IGLON5: variants seen among roughly 807,000 people sequenced by gnomAD.
IGLON5 encodes the protein IgLON family member 5.
A neutral mutation model predicts 38.2 loss-of-function variants in IGLON5; 16 were observed. The observed-to-expected ratio is 0.42, with a 90% CI of 0.28 to 0.64. The LOEUF is 0.64. IGLON5 is among the 30% of genes least tolerant of loss of function. The pLI is 0.23. For missense variants in IGLON5, 366 were observed against 483.4 expected, an observed-to-expected ratio of 0.76 and a Z score of 2.28; for synonymous variants, 207 against 216.4, an observed-to-expected ratio of 0.96 and a Z score of 0.38.
rs141316604 is a variant in IGLON5, at chr19:51,315,508, G to A, written c.79+3582G>A. Among the ~76,000 whole-genome samples the A allele has an allele frequency of 2.6e-5, 4 of 152,248 alleles. No homozygotes were observed. The East Asian group carries it at 7.7e-4, about 29-fold the overall frequency. On this transcript the variant is annotated intron_variant, in intron 1 of 7. Coordinates refer to ENST00000270642, the MANE Select transcript of IGLON5 (RefSeq NM_001101372.3). The stretch of plus-strand genomic sequence containing the variant: ...ACGGAGCTTAGATCATAGTGGGATG[G>A]AGAGAGATCAAAGACCAAAACCAAA...
Position 51,327,914 on chromosome 19 carries a change from G to A in IGLON5, c.922+28G>A. 8.8e-7 allele frequency: 1 copy of A among 1,137,124 alleles called. No homozygotes were observed. The highest frequency in any genetic ancestry group is 1.2e-6 in the Non-Finnish European group (1 of 844,298). The allele number at this position is 1,137,124 out of a possible 1,614,324, so 70.4% of individuals were successfully genotyped here. On this transcript the variant is annotated intron_variant, in intron 7 of 7. Coordinates refer to ENST00000270642, the MANE Select transcript of IGLON5 (RefSeq NM_001101372.3). This position sits in a 1 kb window ranked among gnomAD's most constrained non-coding sequence, Gnocchi z 7.1. ...GCGTCTTCGGGCGGGGCGGGGCCGG[G>A]AAGGTGGGCGGGGCCGGGGGCGGGG...
intron 3 of IGLON5, 26 bp downstream of exon 3, chr19:51,323,920 G>T: frequency 6.5e-7 from 1 of 1,537,572 alleles, no homozygotes; most frequent in Non-Finnish European, 8.9e-7. Flanking sequence ...GGGCCTGGCT[G>T]GGTGGAGGGG....
At chr19:51,322,267 C>G (rs1985079764) in intron 2 of IGLON5, 125 bp downstream of exon 2, 1 of 757,568 alleles carries the variant, frequency 1.3e-6, no homozygotes, top group African/African-American at 1.7e-5. Flanking sequence ...GCTCCACATT[C>G]CCCCTCAGTA....
At chr19:51,318,003 T>C (rs1984963531) in intron 1 of IGLON5, among the ~76,000 whole-genome samples, 1 of 152,132 alleles carries the variant, frequency 6.6e-6, no homozygotes, top group Non-Finnish European at 1.5e-5. Flanking sequence ...ACTTCCCAGT[T>C]CTGAGATTGG....
chr19:51,325,554 GCC>G lies in IGLON5; in HGVS notation c.511+93_511+94del. 1 of 1,374,610 alleles carries G rather than the reference GCC, an allele frequency of 7.3e-7. No homozygotes were observed. Among genetic ancestry groups the G allele is most frequent in the Non-Finnish European group, 9.7e-7 (1 of 1,031,080 alleles). 85.2% of individuals were successfully genotyped at this position (1,374,610 alleles called of 1,614,324 possible). Reference sequence around the variant, plus strand: ...CCCATATCCCTAGCTAGTTTCCCCAGCCCCCTTCTCCCTGGCCCCTTGGCTTC... The same window carrying G: ...CCCATATCCCTAGCTAGTTTCCCCAGCCCTTCTCCCTGGCCCCTTGGCTTC... On this transcript the variant is annotated intron_variant, in intron 4 of 7. Coordinates refer to ENST00000270642, the MANE Select transcript of IGLON5 (RefSeq NM_001101372.3). The surrounding 1 kb of genome is among the most constrained non-coding windows in gnomAD (Gnocchi z 5.5).
In IGLON5 at chr19:51,325,423, G is replaced by T. The variant is rs201159850; in HGVS notation, c.469G>T (p.Val157Leu). The T allele has an allele frequency of 1.9e-6, 3 of 1,613,636 alleles. No homozygotes were observed. Among genetic ancestry groups the T allele is most frequent in the Non-Finnish European group, 2.5e-6 (3 of 1,179,754 alleles). The change falls in exon 4 of 8, where the codon GTG (valine) becomes TTG (leucine). Residue 157 changes from valine (V) to leucine (L), a missense_variant. Coordinates refer to ENST00000270642, the MANE Select transcript of IGLON5 (RefSeq NM_001101372.3). The surrounding 1 kb of genome is among the most constrained non-coding windows in gnomAD (Gnocchi z 5.5). ...GGNVNLLCLA[V>L]GRPEPTVTWR... ...CAATGTGAACCTGCTTTGCCTGGCC[G>T]TGGGGCGGCCAGAGCCCACGGTCAC...
chr19:51,317,511 C>T (rs1237444216), intron 1 of IGLON5, among the ~76,000 whole-genome samples: 3 of 152,222 alleles, frequency 2.0e-5, no homozygotes, highest in Non-Finnish European at 4.4e-5. Context: ...CTGGCAGCCA[C>T]ACTGCATTCC....
Position 51,327,781 on chromosome 19 carries a change from C to A in IGLON5, c.817C>A (p.Arg273Ser). ...EGLKVQTERT[R>S]SMLLFANVSA... The stretch of plus-strand genomic sequence containing the variant: ...CCTGAAGGTGCAGACGGAGCGCACC[C>A]GCTCGATGCTTCTCTTTGCCAACGT... The change falls in exon 7 of 8, where the codon CGC becomes AGC. Residue 273 changes from arginine (R) to serine (S), a missense_variant. Arg to Ser is a moderately radical substitution (Grantham distance 110). Transcript: ENST00000270642. The surrounding 1 kb of genome is among the most constrained non-coding windows in gnomAD (Gnocchi z 7.1). 6.4e-7 allele frequency: 1 copy of A among 1,573,506 alleles called. No homozygotes were observed. The highest frequency in any genetic ancestry group is 1.2e-5 in the South Asian group (1 of 85,622).
chr19:51,323,519 T>C (rs1985130194), intron 2 of IGLON5, 143 bp from the exon 3 acceptor site: 1 of 665,566 alleles, frequency 1.5e-6, no homozygotes, highest in African/African-American at 1.8e-5. Flanking sequence ...CCCAGCTGTA[T>C]GGTGGGCACA....
rs1417169045 is a variant in IGLON5, at chr19:51,327,804, C to A, written c.840C>A (p.Asn280Lys). Residue 280 changes from asparagine to lysine, a missense_variant, in exon 7 of 8, where the codon AAC (asparagine) becomes AAA (lysine). By Grantham distance (94) the Asn-to-Lys change is moderately conservative. Coordinates refer to ENST00000270642, the MANE Select transcript of IGLON5 (RefSeq NM_001101372.3). This position sits in a 1 kb window ranked among gnomAD's most constrained non-coding sequence, Gnocchi z 7.1. ...CCCGCTCGATGCTTCTCTTTGCCAA[C>A]GTGAGCGCCCGGCATTACGGCAACT... The part of the protein sequence containing the change: ...ERTRSMLLFA[N>K]VSARHYGNYT... 6.4e-7 allele frequency: 1 copy of A among 1,562,538 alleles called. No homozygotes were observed. Among genetic ancestry groups the A allele is most frequent in the Admixed American group, 1.9e-5 (1 of 52,576 alleles).
intron 1 of IGLON5, among the ~76,000 whole-genome samples, chr19:51,321,193 T>C (rs1052304694): frequency 1.3e-5 from 2 of 152,180 alleles, no homozygotes; most frequent in East Asian, 1.9e-4. Flanking sequence ...GGGGTTCTTT[T>C]TGAGACCAAG....
At chr19:51,315,648 G>A (rs545260483) in intron 1 of IGLON5, among the ~76,000 whole-genome samples, 4 of 151,876 alleles carry the variant, frequency 2.6e-5, no homozygotes, top group African/African-American at 7.2e-5. Flanking sequence ...TCTGAGCAGG[G>A]GAGAGTGGAG....
In IGLON5 at chr19:51,325,262, G is replaced by A. The variant is rs973309899; in HGVS notation, c.392-84G>A. The A allele has an allele frequency of 1.9e-6, 3 of 1,551,318 alleles. No homozygotes were observed. The highest frequency in any genetic ancestry group is 2.7e-5 in the African/African-American group (2 of 73,270). ...TCTGAGGGAGGAGGAGGGGCTGGGG[G>A]TCTGGACTCCTGGGTCTGAAGGAGG... On this transcript the variant is annotated intron_variant, in intron 3 of 7. Coordinates refer to ENST00000270642, the MANE Select transcript of IGLON5 (RefSeq NM_001101372.3). This position sits in a 1 kb window ranked among gnomAD's most constrained non-coding sequence, Gnocchi z 5.5.
At chr19:51,320,033 ATGTG>A (rs59294317) in intron 1 of IGLON5, among the ~76,000 whole-genome samples, 3 of 151,224 alleles carry the variant, frequency 2.0e-5, no homozygotes, top group Admixed American at 6.6e-5. Flanking sequence ...CTGTGTGTGT[ATGTG>A]TGTGTGTGTG....
At position 51,327,755 on chromosome 19, in the gene IGLON5, G is replaced by A. The variant is rs757803609; in HGVS notation, c.791G>A (p.Gly264Asp). Reference protein sequence around the residue: ...DRLLSSGTAEGLKVQTERTRS... With the variant: ...DRLLSSGTAEDLKVQTERTRS... ...AGGCTGAGCAGCGGCACGGCCGAAGGCCTGAAGGTGCAGACGGAGCGCACC... is the reference window on the plus strand; with the variant it reads ...AGGCTGAGCAGCGGCACGGCCGAAGACCTGAAGGTGCAGACGGAGCGCACC... The change falls in exon 7 of 8, where the codon GGC becomes GAC. Residue 264 changes from glycine (G) to aspartate (D), a missense_variant. Transcript: ENST00000270642. This position sits in a 1 kb window ranked among gnomAD's most constrained non-coding sequence, Gnocchi z 7.1. 3 of 1,577,210 alleles carry A rather than the reference G, an allele frequency of 1.9e-6. No individual in the cohort carries two copies. The highest frequency in any genetic ancestry group is 2.6e-6 in the Non-Finnish European group (3 of 1,164,018).
At position 51,325,353 on chromosome 19, in the gene IGLON5, C is replaced by T. The variant is rs1460547669; in HGVS notation, c.399C>T (p.Ala133=). Residue 133 remains alanine, a synonymous_variant, in exon 4 of 8, where the codon GCC becomes GCT. Transcript: ENST00000270642. The surrounding 1 kb of genome is among the most constrained non-coding windows in gnomAD (Gnocchi z 5.5). The stretch of plus-strand genomic sequence containing the variant: ...CTCTGCCGCTGCCCGCAGTCCCTGC[C>T]CGCATTGTGAACATCTCGTCGCCTG... ...TQVYLIVHVP[A]RIVNISSPVT... is the part of the protein sequence containing the mutation. The T allele has an allele frequency of 1.2e-6, 2 of 1,613,766 alleles. No homozygotes were observed. The highest frequency in any genetic ancestry group is 8.5e-7 in the Non-Finnish European group (1 of 1,179,794).
In IGLON5 at chr19:51,327,956, G is replaced by A. The variant is rs796885515; in HGVS notation, c.922+70G>A. Reference sequence around the variant, plus strand: ...GGGGCGGGGCTAGGGAAGTGGAGACGCCGGGACCGCCCTTCAGGCTGGCCC... The same window carrying A: ...GGGGCGGGGCTAGGGAAGTGGAGACACCGGGACCGCCCTTCAGGCTGGCCC... On this transcript the variant is annotated intron_variant, in intron 7 of 7. Transcript: ENST00000270642. The surrounding 1 kb of genome is among the most constrained non-coding windows in gnomAD (Gnocchi z 7.1). The A allele has an allele frequency of 2.1e-6, 3 of 1,408,134 alleles. No individual in the cohort carries two copies. Among genetic ancestry groups the A allele is most frequent in the African/African-American group, 1.5e-5 (1 of 67,480 alleles). 87.2% of individuals were successfully genotyped at this position (1,408,134 alleles called of 1,614,324 possible).
intron 1 of IGLON5, among the ~76,000 whole-genome samples, chr19:51,312,181 T>C (rs572072114): frequency 6.5e-4 from 99 of 152,090 alleles, no homozygotes; most frequent in African/African-American, 2.3e-3. Context: ...GGAGGTCTGC[T>C]TCCCCGAGCA....
chr19:51,328,522 A>AT, intron 7 of IGLON5, 149 bp from the exon 8 acceptor site: 1 of 433,332 alleles, frequency 2.3e-6, no homozygotes, highest in Non-Finnish European at 4.1e-6. Context: ...AAAAAAAAAA[A>AT]GAAACAGAGT....
Sources: allele counts gnomAD v4.1 joint callset (sites outside exome capture counted in the v4.1 genomes callset), GRCh38; gene constraint gnomAD v4.1.1; non-coding constraint Gnocchi (gnomAD v3.1); transcripts MANE v1.5; gene names NCBI Gene and HGNC (gene_info 2026-07-23, HGNC 2026-07-21).